Variants in SNX18 observed in about 807,000 individuals in gnomAD.
SNX18 encodes the protein sorting nexin 18, also known as sorting nexin-18.
A neutral mutation model predicts 48.7 loss-of-function variants in SNX18; 35 were observed. That is an observed-to-expected ratio of 0.72 (90% CI 0.55 to 0.95). The LOEUF (loss-of-function observed/expected upper bound fraction) is 0.95. Ranked by LOEUF, SNX18 falls within the 40% of genes least tolerant of loss-of-function variation. The pLI, the probability that SNX18 is intolerant of heterozygous loss-of-function variation, is 0.00. For synonymous variants in SNX18, 492 were observed against 384.7 expected, an observed-to-expected ratio of 1.28 and a Z score of -3.26; for missense variants, 824 against 871.0, an observed-to-expected ratio of 0.95 and a Z score of 0.68.
the SNX18 span, among the ~76,000 whole-genome samples, chr5:54,637,028 T>C: frequency 1.3e-5 from 2 of 152,328 alleles, no homozygotes; most frequent in African/African-American, 4.8e-5. Context: ...AATGAGGCAA[T>C]AGCCAAATAG....
chr5:54,582,424 T>C, the SNX18 span, among the ~76,000 whole-genome samples: 2 of 152,166 alleles, frequency 1.3e-5, no homozygotes, highest in South Asian at 2.1e-4. Context: ...TTGTAACATG[T>C]TTTTTAATGT....
intron 1 of SNX18, among the ~76,000 whole-genome samples, chr5:54,529,104 A>G (rs781612976): frequency 6.6e-6 from 1 of 152,208 alleles, no homozygotes; most frequent in Non-Finnish European, 1.5e-5. Context: ...TGGCAGGTGT[A>G]GAACGTGGTT....
At chr5:54,529,679 A>G (rs966381044) in intron 1 of SNX18, among the ~76,000 whole-genome samples, 16 of 151,602 alleles carry the variant, frequency 1.1e-4, no homozygotes, top group South Asian at 4.2e-4. Flanking sequence ...TCTTAATTCT[A>G]TGCAGGAGTG....
At chr5:54,571,075 G>T in the SNX18 span, among the ~76,000 whole-genome samples, 1 of 152,056 alleles carries the variant, frequency 6.6e-6, no homozygotes, top group East Asian at 1.9e-4. Context: ...TGCACCCCTT[G>T]GTCCCTTTCT....
At chr5:54,522,687 A>C (rs1405851659) in intron 1 of SNX18, among the ~76,000 whole-genome samples, 1 of 152,122 alleles carries the variant, frequency 6.6e-6, no homozygotes, top group Non-Finnish European at 1.5e-5. Flanking sequence ...TGTCCCATTC[A>C]GAAAACACAT....
the SNX18 span, among the ~76,000 whole-genome samples, chr5:54,621,663 G>A: frequency 1.3e-5 from 2 of 152,096 alleles, no homozygotes; most frequent in African/African-American, 4.8e-5. Flanking sequence ...TCAGAAAAAC[G>A]AGAAAGTGCA....
At chr5:54,616,174 C>T in the SNX18 span, among the ~76,000 whole-genome samples, 1 of 152,178 alleles carries the variant, frequency 6.6e-6, no homozygotes, top group Admixed American at 6.6e-5. Context: ...GTGTATGCAG[C>T]AGAATTTGGC....
chr5:54,519,125 G>A lies in SNX18; in HGVS notation c.1173G>A (p.Lys391=). Residue 391 remains lysine, a synonymous_variant, in exon 1 of 2, where the codon AAG becomes AAA. Coordinates refer to ENST00000381410, the MANE Select transcript of SNX18 (RefSeq NM_001102575.2). ...GCAGCACCGACGAGAAAGCCTGGAA[G>A]CAGGGCAAGAGGAAGGCCGAGAAGG... is the stretch of plus-strand genomic sequence containing the variant. ...CPSSTDEKAW[K]QGKRKAEKDE... is the part of the protein sequence containing the mutation. 1.2e-6 allele frequency: 2 copies of A among 1,614,140 alleles called. No individual in the cohort carries two copies. Among genetic ancestry groups the A allele is most frequent in the Middle Eastern group, 1.6e-4 (1 of 6,062 alleles).
chr5:54,518,860 C>T lies in SNX18; in HGVS notation c.908C>T (p.Thr303Met). 6.2e-7 allele frequency: 1 copy of T among 1,612,972 alleles called. No homozygotes were observed. The highest frequency in any genetic ancestry group is 8.5e-7 in the Non-Finnish European group (1 of 1,179,356). The change falls in exon 1 of 2, where the codon ACG (threonine) becomes ATG (methionine). Residue 303 changes from threonine to methionine, a missense_variant. Physicochemically the swap from Thr to Met is moderately conservative, Grantham distance 81 (BLOSUM62 -1). Coordinates refer to ENST00000381410, the MANE Select transcript of SNX18 (RefSeq NM_001102575.2). Reference sequence around the variant, plus strand: ...TACATCTCCTACAAGCTGGTGCCCACGCACACGCAGGTGCCGGTGCATCGG... The same window carrying T: ...TACATCTCCTACAAGCTGGTGCCCATGCACACGCAGGTGCCGGTGCATCGG... ...KSYISYKLVP[T>M]HTQVPVHRRY...
the SNX18 span, among the ~76,000 whole-genome samples, chr5:54,638,750 T>C: frequency 6.6e-6 from 1 of 152,144 alleles, no homozygotes; most frequent in African/African-American, 2.4e-5. Context: ...TCTACCTGTA[T>C]AGATAAAGAA....
Position 54,541,100 on chromosome 5 carries a change from G to A in SNX18, c.1622-2079G>A, listed in dbSNP as rs186039717. The stretch of plus-strand genomic sequence containing the variant: ...TGGAGTACGGTGGCGCAATCTCGGC[G>A]CAATGCAACCTCTGCCTTCCGGCTT... On this transcript the variant is annotated intron_variant, in intron 1 of 1. Coordinates refer to ENST00000381410, the MANE Select transcript of SNX18 (RefSeq NM_001102575.2). Among the ~76,000 whole-genome samples, 14 of 151,690 alleles carry A rather than the reference G, an allele frequency of 9.2e-5. No homozygotes were observed. The East Asian group carries it at 1.2e-3, about 13-fold the overall frequency.
the SNX18 span, among the ~76,000 whole-genome samples, chr5:54,629,801 A>G: frequency 1.3e-3 from 191 of 152,290 alleles, no homozygotes; most frequent in Non-Finnish European, 1.8e-3. Context: ...TTTCTTATAG[A>G]TTAGAACTAA....
the SNX18 span, among the ~76,000 whole-genome samples, chr5:54,578,579 G>A: frequency 7.2e-5 from 11 of 152,310 alleles, no homozygotes; most frequent in East Asian, 2.1e-3. Flanking sequence ...TTTGTGGGGA[G>A]CTGAACTTCT....
the SNX18 span, among the ~76,000 whole-genome samples, chr5:54,566,434 G>A: frequency 2.0e-5 from 3 of 152,168 alleles, no homozygotes; most frequent in African/African-American, 7.2e-5. Context: ...AGGGCATCTC[G>A]CCACTGCTTC....
the SNX18 span, among the ~76,000 whole-genome samples, chr5:54,579,073 C>T: frequency 3.9e-5 from 6 of 152,156 alleles, no homozygotes; most frequent in Non-Finnish European, 5.9e-5. Context: ...GGTGTGGTAG[C>T]GTATGCCTGC....
At chr5:54,551,523 A>G (rs187878580), downstream of SNX18, among the ~76,000 whole-genome samples, 1 of 152,226 alleles carries the variant, frequency 6.6e-6, no homozygotes, top group African/African-American at 2.4e-5. Flanking sequence ...TTCTTACCAC[A>G]TCGAGTGTTT....
chr5:54,533,187 C>T (rs1762283512), intron 1 of SNX18, among the ~76,000 whole-genome samples: 1 of 152,042 alleles, frequency 6.6e-6, no homozygotes, highest in Non-Finnish European at 1.5e-5. Flanking sequence ...TTCTCTTTGT[C>T]ATTTATTATA....
downstream of SNX18, among the ~76,000 whole-genome samples, chr5:54,548,340 C>G (rs1288584972): frequency 6.6e-6 from 1 of 152,226 alleles, no homozygotes; most frequent in Non-Finnish European, 1.5e-5. Flanking sequence ...TGGAATTGAT[C>G]TCTAAGTCTG....
At chr5:54,598,151 C>T in the SNX18 span, among the ~76,000 whole-genome samples, 1 of 152,116 alleles carries the variant, frequency 6.6e-6, no homozygotes, top group Admixed American at 6.5e-5. Flanking sequence ...AATTCCTAGA[C>T]ACATACACCC....
Sources: allele counts gnomAD v4.1 joint callset (sites outside exome capture counted in the v4.1 genomes callset), GRCh38; gene constraint gnomAD v4.1.1; transcripts MANE v1.5; gene names NCBI Gene and HGNC (gene_info 2026-07-23, HGNC 2026-07-21).